Variants in INPP4B observed in about 807,000 individuals in gnomAD.
The protein encoded by INPP4B is inositol polyphosphate 4-phosphatase type II.
In INPP4B, 55 loss-of-function variants were observed where a neutral mutation model predicts 122.5. That is an observed-to-expected ratio of 0.45 (90% CI 0.36 to 0.56). INPP4B has a LOEUF of 0.56. Ranked by LOEUF, INPP4B falls within the 20% of genes least tolerant of loss-of-function variation. The pLI, the probability that INPP4B is intolerant of heterozygous loss-of-function variation, is 0.00. For synonymous variants in INPP4B, 403 were observed against 388.7 expected, an observed-to-expected ratio of 1.04 and a Z score of -0.43; for missense variants, 1,000 against 1,097.7, an observed-to-expected ratio of 0.91 and a Z score of 1.26.
At chr4:142,144,803 T>C (rs1809797338) in intron 18 of INPP4B, among the ~76,000 whole-genome samples, 1 of 152,122 alleles carries the variant, frequency 6.6e-6, no homozygotes, top group Admixed American at 6.6e-5. Flanking sequence ...GATGAAAGAT[T>C]GATGTTTTAT....
intron 1 of INPP4B, among the ~76,000 whole-genome samples, chr4:142,794,739 CCAATCAATTAAA>C (rs745449720): frequency 2.8e-4 from 43 of 151,586 alleles, no homozygotes; most frequent in Non-Finnish European, 5.5e-4. Flanking sequence ...AGCTCATATG[CCAATCAATTAAA>C]CAATGACTAA....
chr4:142,413,690 C>A (rs1282994241), intron 5 of INPP4B, among the ~76,000 whole-genome samples: 1 of 152,170 alleles, frequency 6.6e-6, no homozygotes, highest in Non-Finnish European at 1.5e-5. Flanking sequence ...ATTGCTGTCT[C>A]ATAGTTCCAT....
chr4:142,122,323 A>T (rs942222101), intron 20 of INPP4B, 78 bp from the exon 21 acceptor site: 8 of 1,023,492 alleles, frequency 7.8e-6, no homozygotes, highest in Non-Finnish European at 1.2e-5. Flanking sequence ...TCCCTGCTGG[A>T]ATTTGTTCTA....
intron 25 of INPP4B, among the ~76,000 whole-genome samples, chr4:142,032,268 C>T (rs186107998): frequency 6.6e-6 from 1 of 152,066 alleles, no homozygotes; most frequent in African/African-American, 2.4e-5. Context: ...AAAGCCCAGG[C>T]TACCAGGGGC....
At chr4:142,748,251 T>C (rs1769092845) in intron 1 of INPP4B, among the ~76,000 whole-genome samples, 1 of 151,996 alleles carries the variant, frequency 6.6e-6, no homozygotes, top group Non-Finnish European at 1.5e-5. Flanking sequence ...ACAACTAGCA[T>C]GGTGATTAGA....
At chr4:142,181,086 G>A (rs908695421) in intron 15 of INPP4B, among the ~76,000 whole-genome samples, 5 of 152,128 alleles carry the variant, frequency 3.3e-5, no homozygotes, top group Non-Finnish European at 7.4e-5. Context: ...GAAGAAAAAG[G>A]GAAAAACTAT....
chr4:142,281,964 C>T (rs1289173316), intron 9 of INPP4B, among the ~76,000 whole-genome samples: 1 of 151,990 alleles, frequency 6.6e-6, no homozygotes, highest in African/African-American at 2.4e-5. Flanking sequence ...TTATTAAGCA[C>T]TTACTAGTAC....
intron 15 of INPP4B, among the ~76,000 whole-genome samples, chr4:142,178,701 T>C (rs1829433200): frequency 6.6e-6 from 1 of 152,006 alleles, no homozygotes; most frequent in Non-Finnish European, 1.5e-5. Flanking sequence ...CAGAAGGGGA[T>C]TAGGATTGGT....
chr4:142,801,150 A>G (rs867101878), intron 1 of INPP4B, among the ~76,000 whole-genome samples: 2 of 152,206 alleles, frequency 1.3e-5, no homozygotes, highest in South Asian at 4.1e-4. Context: ...AAAATAAGGA[A>G]AAAACTGGAG....
chr4:142,416,968 G>A (rs1805909874), intron 5 of INPP4B, among the ~76,000 whole-genome samples: 1 of 152,126 alleles, frequency 6.6e-6, no homozygotes. Context: ...AAAGCAGAGG[G>A]TCTAATTACT....
At chr4:142,571,471 A>C (rs568847048) in intron 2 of INPP4B, among the ~76,000 whole-genome samples, 3 of 152,086 alleles carry the variant, frequency 2.0e-5, no homozygotes, top group Non-Finnish European at 4.4e-5. Context: ...TTTATCCTTA[A>C]AGTAGGCCAG....
intron 1 of INPP4B, among the ~76,000 whole-genome samples, chr4:142,806,819 G>GAAAGAAAGAAAGA: frequency 6.9e-6 from 1 of 145,852 alleles, no homozygotes; most frequent in Non-Finnish European, 1.5e-5. Flanking sequence ...AAGAAAGAAA[G>GAAAGAAAGAAAGA]AAAGAAAGAA....
At chr4:142,754,664 T>A (rs1041593757) in intron 1 of INPP4B, among the ~76,000 whole-genome samples, 6 of 152,040 alleles carry the variant, frequency 3.9e-5, no homozygotes, top group Non-Finnish European at 7.4e-5. Flanking sequence ...CTTAAAACTA[T>A]ATGCATATCA....
chr4:142,826,071 T>A (rs1781419021), intron 1 of INPP4B, among the ~76,000 whole-genome samples: 1 of 152,138 alleles, frequency 6.6e-6, no homozygotes, highest in Non-Finnish European at 1.5e-5. Flanking sequence ...TAGGCTCAAA[T>A]GTAATTTTGA....
chr4:142,217,134 G>A (rs1236536659), intron 12 of INPP4B, among the ~76,000 whole-genome samples: 3 of 151,942 alleles, frequency 2.0e-5, no homozygotes, highest in Admixed American at 1.3e-4. Flanking sequence ...GAAAATAAAC[G>A]TTACTGGGGC....
intron 25 of INPP4B, among the ~76,000 whole-genome samples, chr4:142,043,691 A>G (rs1452765704): frequency 6.6e-6 from 1 of 152,188 alleles, no homozygotes; most frequent in Non-Finnish European, 1.5e-5. Context: ...TATTTTATAC[A>G]TTTTCTAAAA....
intron 23 of INPP4B, among the ~76,000 whole-genome samples, chr4:142,106,701 G>A (rs916064630): frequency 6.6e-6 from 1 of 152,078 alleles, no homozygotes. Context: ...TCAAACATTA[G>A]CATGAATCAG....
At chr4:142,493,232 C>T (rs1240105215) in intron 2 of INPP4B, among the ~76,000 whole-genome samples, 1 of 152,192 alleles carries the variant, frequency 6.6e-6, no homozygotes, top group Non-Finnish European at 1.5e-5. Context: ...GGGTGGAACC[C>T]TCATGGAGAA....
At position 142,826,853 on chromosome 4, in the gene INPP4B, G is replaced by A. The variant is rs115177929; in HGVS notation, c.-254+19356C>T. Among the ~76,000 whole-genome samples, 802 of 152,256 alleles carry A rather than the reference G, an allele frequency of 5.3e-3. 5 individuals are homozygous for A. Among genetic ancestry groups the A allele is most frequent in the African/African-American group, 0.018 (746 of 41,564 alleles). On this transcript the variant is annotated intron_variant, in intron 1 of 25. Transcript: ENST00000262992. ...CAGATGAAGCACAATAACCATTTTC[G>A]TTATTAAAAGCTCTTGGAAGCTTGT...
Sources: gnomAD v4.1 joint callset for allele counts (sites outside exome capture counted in the v4.1 genomes callset) on GRCh38, gnomAD v4.1.1 for gene constraint, MANE v1.5 for transcripts, NCBI Gene and HGNC (gene_info 2026-07-23, HGNC 2026-07-21) for gene names.